TARBP1: variants seen among roughly 807,000 people sequenced by gnomAD.
The protein encoded by TARBP1 is tRNA guanosine 2 -O-methyltransferase TARBP1, also known as tRNA (guanosine(18)-2'-O)-methyltransferase TARBP1.
In TARBP1, 144 loss-of-function variants were observed where a neutral mutation model predicts 178.6. The observed-to-expected ratio is 0.81, with a 90% CI of 0.70 to 0.93. The LOEUF (loss-of-function observed/expected upper bound fraction) is 0.93. TARBP1 is among the 40% of genes least tolerant of loss of function. The pLI is 0.00. For synonymous variants in TARBP1, 787 were observed against 781.0 expected, an observed-to-expected ratio of 1.01 and a Z score of -0.13; for missense variants, 2,067 against 2,011.7, an observed-to-expected ratio of 1.03 and a Z score of -0.53.
In TARBP1 at chr1:234,472,819, G is replaced by A; in HGVS notation, c.932-8C>T. On this transcript the variant is annotated splice_polypyrimidine_tract_variant and splice_region_variant and intron_variant, in intron 1 of 29. Transcript: ENST00000040877. ...ACCAAAACAGACTTGGGCCTGATAT[G>A]GTTTAAAAAAGAAAATTAGTTCTTC... 1 of 1,580,448 alleles carries A rather than the reference G, an allele frequency of 6.3e-7. No homozygotes were observed. The highest frequency in any genetic ancestry group is 8.5e-7 in the Non-Finnish European group (1 of 1,169,658).
chr1:234,447,394 C>CTTTTTTTTTTTTTTTT (rs36066908), intron 11 of TARBP1, among the ~76,000 whole-genome samples: 12 of 104,622 alleles, frequency 1.1e-4, no homozygotes, highest in Admixed American at 3.9e-4. Context: ...TGTTAACCAA[C>CTTTTTTTTTTTTTTTT]TTTTTTTTTT....
intron 2 of TARBP1, among the ~76,000 whole-genome samples, chr1:234,472,072 C>G (rs1189720217): frequency 6.6e-6 from 1 of 152,126 alleles, no homozygotes; most frequent in African/African-American, 2.4e-5. Context: ...TGCGGTGGCT[C>G]ACGCCTGTAA....
intron 22 of TARBP1, among the ~76,000 whole-genome samples, chr1:234,411,714 A>G (rs1387514432): frequency 6.6e-6 from 1 of 152,202 alleles, no homozygotes; most frequent in African/African-American, 2.4e-5. Context: ...AGACTGTTCA[A>G]CTGGAATCTG....
Position 234,479,004 on chromosome 1 carries a change from C to T in TARBP1, c.100G>A (p.Glu34Lys). Residue 34 changes from glutamate to lysine, a missense_variant, in exon 1 of 30, where the codon GAG becomes AAG. Coordinates refer to ENST00000040877, the MANE Select transcript of TARBP1 (RefSeq NM_005646.4). ...CQGEASAERVETLRFLLQRLE... is the reference protein window; with the variant it reads ...CQGEASAERVKTLRFLLQRLE... The stretch of plus-strand genomic sequence containing the variant: ...CGCTGCAGAAGGAAGCGCAGCGTCT[C>T]CACGCGCTCCGCGGATGCCTCCCCT... 6.6e-7 allele frequency: 1 copy of T among 1,510,768 alleles called. No homozygotes were observed. Among genetic ancestry groups the T allele is most frequent in the Non-Finnish European group, 8.8e-7 (1 of 1,141,066 alleles). 93.6% of individuals were successfully genotyped at this position (1,510,768 alleles called of 1,614,324 possible).
intron 12 of TARBP1, among the ~76,000 whole-genome samples, chr1:234,439,697 G>T (rs1279803768): frequency 3.3e-5 from 5 of 152,080 alleles, no homozygotes; most frequent in Non-Finnish European, 7.4e-5. Context: ...ATGATGGTGG[G>T]CACCTGTAAT....
chr1:234,425,879 G>C, intron 19 of TARBP1, 86 bp from the exon 20 acceptor site: 1 of 1,098,468 alleles, frequency 9.1e-7, no homozygotes, highest in African/African-American at 1.6e-5. Context: ...ATCATTACAC[G>C]ATCAAAACCT....
At chr1:234,411,094 A>G (rs1661768470) in intron 22 of TARBP1, among the ~76,000 whole-genome samples, 1 of 152,190 alleles carries the variant, frequency 6.6e-6, no homozygotes, top group Non-Finnish European at 1.5e-5. Flanking sequence ...AATAAAGTAC[A>G]GTGTGCCCTC....
chr1:234,425,731 C>T lies in TARBP1; in HGVS notation c.3386G>A (p.Gly1129Asp). 1 of 1,610,432 alleles carries T rather than the reference C, an allele frequency of 6.2e-7. No homozygotes were observed. Among genetic ancestry groups the T allele is most frequent in the Non-Finnish European group, 8.5e-7 (1 of 1,177,186 alleles). The change falls in exon 20 of 30, where the codon GGC becomes GAC. Residue 1129 changes from glycine to aspartate, a missense_variant. Coordinates refer to ENST00000040877, the MANE Select transcript of TARBP1 (RefSeq NM_005646.4). ...AAACAACTTGTGGGACATATTGGAGCCATCTAATAAACACAGGAATTTGAC... is the reference window on the plus strand; with the variant it reads ...AAACAACTTGTGGGACATATTGGAGTCATCTAATAAACACAGGAATTTGAC... ...CAVKFLCLLD[G>D]SNMSHKLFIE...
At chr1:234,447,621 C>T (rs185445422) in intron 11 of TARBP1, among the ~76,000 whole-genome samples, 6 of 151,952 alleles carry the variant, frequency 3.9e-5, no homozygotes, top group Admixed American at 6.6e-5. Flanking sequence ...TAACCAACTT[C>T]GGTACAAAAT....
At chr1:234,461,455 G>A (rs1016275728) in intron 6 of TARBP1, among the ~76,000 whole-genome samples, 3 of 152,112 alleles carry the variant, frequency 2.0e-5, no homozygotes, top group Non-Finnish European at 2.9e-5. Context: ...TTACAGGCAT[G>A]TGCCACCACA....
chr1:234,409,501 C>G (rs1008538381), intron 23 of TARBP1, among the ~76,000 whole-genome samples: 23 of 152,188 alleles, frequency 1.5e-4, no homozygotes, highest in African/African-American at 5.1e-4. Context: ...GATGCCAGAG[C>G]CTTCTTGATC....
rs1374804597 is a variant in TARBP1 at position 234,478,374 on chromosome 1, G to A, written c.730C>T (p.Pro244Ser). Residue 244 changes from proline to serine, a missense_variant, in exon 1 of 30, where the codon CCC becomes TCC. Physicochemically the swap from Pro to Ser is moderately conservative, Grantham distance 74 (BLOSUM62 -1). Transcript: ENST00000040877. ...SALAEKLLPE[P>S]GGDRARGARE... ...GCGCCGCGGGCGCGGTCGCCGCCGG[G>A]CTCGGGCAACAGCTTCTCGGCCAGG... is the stretch of plus-strand genomic sequence containing the variant. 4 of 1,304,402 alleles carry A rather than the reference G, an allele frequency of 3.1e-6. No homozygotes were observed. Among genetic ancestry groups the A allele is most frequent in the Admixed American group, 3.4e-5 (1 of 28,994 alleles). 80.8% of individuals were successfully genotyped at this position (1,304,402 alleles called of 1,614,324 possible). A position where few individuals can be genotyped will look rare whatever the true frequency, so the allele number is the denominator to read the frequency against.
chr1:234,406,896 T>C (rs1661300378), intron 23 of TARBP1: 1 of 152,214 alleles, frequency 6.6e-6, no homozygotes, highest in African/African-American at 2.4e-5. Context: ...ATGGAAATGC[T>C]TACCGGCTGC....
Position 234,398,442 on chromosome 1 carries a change from A to G in TARBP1, c.4183T>C (p.Tyr1395His), listed in dbSNP as rs780066377. 1.2e-6 allele frequency: 2 copies of G among 1,612,208 alleles called. No homozygotes were observed. Among genetic ancestry groups the G allele is most frequent in the East Asian group, 4.5e-5 (2 of 44,842 alleles). ...TTACTAAGTTGAGTTTGAGAAAGGT[A>G]CCACTGAAATCCCGCAGCTAAAGGA... ...DVPLAAGFQW[Y>H]LSQTQLSKLK... The change falls in exon 26 of 30, where the codon TAC becomes CAC. Residue 1395 changes from tyrosine (Y) to histidine (H), a missense_variant. Coordinates refer to ENST00000040877, the MANE Select transcript of TARBP1 (RefSeq NM_005646.4).
intron 1 of TARBP1, among the ~76,000 whole-genome samples, chr1:234,474,608 G>A (rs575398192): frequency 2.6e-4 from 39 of 152,266 alleles, no homozygotes; most frequent in South Asian, 2.3e-3. Context: ...AAATAAACAG[G>A]ATTCAGAATG....
In TARBP1 at chr1:234,444,027, G is replaced by T. The variant is rs564174812; in HGVS notation, c.2134+2776C>A. On this transcript the variant is annotated intron_variant, in intron 12 of 29. Coordinates refer to ENST00000040877, the MANE Select transcript of TARBP1 (RefSeq NM_005646.4). The stretch of plus-strand genomic sequence containing the variant: ...GTTCAGGAAGAGGAAAATTGGAGAT[G>T]GATGATGGTGATGGCTGCACAACAG... Among the ~76,000 whole-genome samples, 22 of 152,272 alleles carry T rather than the reference G, an allele frequency of 1.4e-4. 3 individuals are homozygous for T. Among genetic ancestry groups the T allele is most frequent in the African/African-American group, 4.6e-4 (19 of 41,550 alleles).
At chr1:234,464,017 C>T in intron 5 of TARBP1, 83 bp from the exon 6 acceptor site, 4 of 708,096 alleles carry the variant, frequency 5.6e-6, no homozygotes, top group Non-Finnish European at 8.5e-6. Context: ...TGGACCATGG[C>T]CCAAAAGTCT....
At chr1:234,405,234 C>A (rs1371515608) in intron 24 of TARBP1, 1 of 152,008 alleles carries the variant, frequency 6.6e-6, no homozygotes, top group Admixed American at 6.5e-5. Flanking sequence ...TCCAGAATTC[C>A]TGGATGGCAA....
rs61040496 is a variant in TARBP1 at position 234,392,451 on chromosome 1, T to C, written c.4662A>G (p.Gln1554=). ...EQTAKSLDLT[Q]YCFPEKSLLL... ...GCAGAGATTTCTCAGGAAAGCAATA[T>C]TGGGTTAGGTCTAAACTTTTGGCAG... The change falls in exon 29 of 30, where the codon CAA becomes CAG. Residue 1554 remains glutamine (Q), a synonymous_variant. Transcript: ENST00000040877. The C allele has an allele frequency of 1.9e-6, 3 of 1,614,206 alleles. No individual in the cohort carries two copies. Among genetic ancestry groups the C allele is most frequent in the East Asian group, 2.2e-5 (1 of 44,884 alleles).
Sources: allele counts gnomAD v4.1 joint callset (sites outside exome capture counted in the v4.1 genomes callset), GRCh38; gene constraint gnomAD v4.1.1; transcripts MANE v1.5; gene names NCBI Gene and HGNC (gene_info 2026-07-23, HGNC 2026-07-21).